Variants in MAML3 observed in about 807,000 individuals in gnomAD.
MAML3 encodes mastermind like transcriptional coactivator 3.
A neutral mutation model predicts 101.9 loss-of-function variants in MAML3; 27 were observed. The ratio of observed to expected loss-of-function variants is 0.27; its 90% CI spans 0.20 to 0.37. MAML3 has a LOEUF of 0.37. Among genes scored for constraint, MAML3 ranks in the 10% least tolerant of loss-of-function variants. The pLI, the probability that MAML3 is intolerant of heterozygous loss-of-function variation, is 1.00. For synonymous variants in MAML3, 501 were observed against 555.9 expected, an observed-to-expected ratio of 0.90 and a Z score of 1.39; for missense variants, 1,316 against 1,444.9, an observed-to-expected ratio of 0.91 and a Z score of 1.45.
chr4:139,831,356 A>C (rs1209505716), intron 2 of MAML3, among the ~76,000 whole-genome samples: 1 of 152,166 alleles, frequency 6.6e-6, no homozygotes, highest in Non-Finnish European at 1.5e-5. Context: ...CTAAAATCTT[A>C]AAATAAAAAA....
Position 139,719,022 on chromosome 4 carries a change from G to T in MAML3, c.*301C>A. 3.0e-6 allele frequency: 1 copy of T among 330,970 alleles called. No homozygotes were observed. Among genetic ancestry groups the T allele is most frequent in the Non-Finnish European group, 5.5e-6 (1 of 181,166 alleles). The allele number at this position is 330,970 out of a possible 1,614,324, so 20.5% of individuals were successfully genotyped here. A position where few individuals can be genotyped will look rare whatever the true frequency, so the allele number is the denominator to read the frequency against. ...CTCCTGCTGGGCCAGGCGATCACAG[G>T]GCATGCTGGGCAGAGGGGCTCTGGC... On this transcript the variant is annotated 3_prime_UTR_variant, in exon 5 of 5. Transcript: ENST00000509479.
At chr4:140,083,507 A>G (rs906587884) in intron 1 of MAML3, among the ~76,000 whole-genome samples, 5 of 152,190 alleles carry the variant, frequency 3.3e-5, no homozygotes, top group African/African-American at 1.2e-4. Flanking sequence ...ACAGATGGAT[A>G]TGTTCCTTGT....
chr4:140,034,305 CTGGT>C (rs1181895641), intron 1 of MAML3, among the ~76,000 whole-genome samples: 2 of 152,176 alleles, frequency 1.3e-5, no homozygotes, highest in African/African-American at 4.8e-5. Flanking sequence ...GTGAGATAGT[CTGGT>C]TGTGATTTGA....
At chr4:140,141,874 TAAG>T (rs1465115289) in intron 1 of MAML3, among the ~76,000 whole-genome samples, 5 of 152,196 alleles carry the variant, frequency 3.3e-5, no homozygotes, top group African/African-American at 9.7e-5. Context: ...CATATTAGAT[TAAG>T]AGATTTTCCC....
intron 2 of MAML3, among the ~76,000 whole-genome samples, chr4:139,841,532 T>C (rs951075186): frequency 6.6e-5 from 10 of 152,246 alleles, no homozygotes; most frequent in Non-Finnish European, 1.5e-4. Flanking sequence ...CTATCGGCGC[T>C]GACGCTTTCT....
At chr4:139,975,207 T>C (rs887560940) in intron 1 of MAML3, among the ~76,000 whole-genome samples, 2 of 152,128 alleles carry the variant, frequency 1.3e-5, no homozygotes, top group Non-Finnish European at 2.9e-5. Context: ...TCGCCTTATG[T>C]CCTCCTCTCC....
chr4:140,115,656 C>T (rs1028880610), intron 1 of MAML3, among the ~76,000 whole-genome samples: 2 of 152,110 alleles, frequency 1.3e-5, no homozygotes, highest in Non-Finnish European at 2.9e-5. Context: ...ACATACAAAA[C>T]ATTCCTTAAT....
intron 1 of MAML3, among the ~76,000 whole-genome samples, chr4:140,014,832 A>C (rs1345247587): frequency 6.6e-6 from 1 of 152,208 alleles, no homozygotes; most frequent in African/African-American, 2.4e-5. Context: ...AGGATATTGA[A>C]AAGACTAAAA....
intron 1 of MAML3, among the ~76,000 whole-genome samples, chr4:140,034,295 G>A (rs189053617): frequency 6.4e-4 from 97 of 152,314 alleles, no homozygotes; most frequent in African/African-American, 2.2e-3. Flanking sequence ...AACATCTGAT[G>A]TGAGATAGTC....
chr4:139,847,445 G>A (rs188998537), intron 2 of MAML3, among the ~76,000 whole-genome samples: 3 of 152,204 alleles, frequency 2.0e-5, no homozygotes, highest in Admixed American at 2.0e-4. Flanking sequence ...ACCTGATACT[G>A]TGTCTCTCCC....
intron 1 of MAML3, among the ~76,000 whole-genome samples, chr4:140,001,438 A>C (rs1734921737): frequency 6.6e-6 from 1 of 152,236 alleles, no homozygotes; most frequent in Non-Finnish European, 1.5e-5. Flanking sequence ...AAGAGGTCTC[A>C]GAGTTAATAA....
chr4:140,128,263 G>C (rs190483291), intron 1 of MAML3, among the ~76,000 whole-genome samples: 5 of 152,266 alleles, frequency 3.3e-5, no homozygotes, highest in Non-Finnish European at 7.4e-5. Flanking sequence ...AGGAGGTGCA[G>C]AAGCCAAAAA....
chr4:139,885,356 T>A (rs1560824181), intron 2 of MAML3, among the ~76,000 whole-genome samples: 2 of 152,066 alleles, frequency 1.3e-5, no homozygotes, highest in East Asian at 3.9e-4. Context: ...CAGTGAGCTA[T>A]GATAGTGCCA....
chr4:140,065,997 G>A (rs1727531296), intron 1 of MAML3, among the ~76,000 whole-genome samples: 1 of 152,162 alleles, frequency 6.6e-6, no homozygotes, highest in Admixed American at 6.5e-5. Context: ...AGCTTACACA[G>A]ACCTCTGATA....
chr4:139,936,308 G>A (rs574863190), intron 1 of MAML3, among the ~76,000 whole-genome samples: 1 of 152,204 alleles, frequency 6.6e-6, no homozygotes, highest in South Asian at 2.1e-4. Flanking sequence ...GGATACTTAA[G>A]CTGATTTCAT....
intron 1 of MAML3, among the ~76,000 whole-genome samples, chr4:139,928,852 G>A (rs530093714): frequency 6.6e-6 from 1 of 152,286 alleles, no homozygotes; most frequent in East Asian, 1.9e-4. Flanking sequence ...TCAGAATGGA[G>A]GGGGATTTGG....
intron 1 of MAML3, among the ~76,000 whole-genome samples, chr4:140,082,984 C>T (rs1192692147): frequency 6.6e-6 from 1 of 152,136 alleles, no homozygotes; most frequent in Non-Finnish European, 1.5e-5. Context: ...TGTGCTATTA[C>T]TACTTTTTGA....
intron 1 of MAML3, among the ~76,000 whole-genome samples, chr4:140,138,455 T>C (rs1406325483): frequency 6.6e-6 from 1 of 152,198 alleles, no homozygotes; most frequent in African/African-American, 2.4e-5. Flanking sequence ...ACGGAGAAAG[T>C]TGCTTCTTTA....
intron 2 of MAML3, among the ~76,000 whole-genome samples, chr4:139,784,937 GT>G (rs1560793524): frequency 6.6e-6 from 1 of 152,208 alleles, no homozygotes; most frequent in East Asian, 1.9e-4. Flanking sequence ...ACGAGGAGGG[GT>G]GGGAGGGTGG....
Sources: allele counts gnomAD v4.1 joint callset (sites outside exome capture counted in the v4.1 genomes callset), GRCh38; gene constraint gnomAD v4.1.1; transcripts MANE v1.5; gene names NCBI Gene and HGNC (gene_info 2026-07-23, HGNC 2026-07-21).